The following TACR1 variants were observed in gnomAD, a reference collection of about 807,000 sequenced individuals.
The protein encoded by TACR1 is substance-P receptor.
A neutral mutation model predicts 35.8 loss-of-function variants in TACR1; 25 were observed. The observed-to-expected ratio is 0.70, with a 90% CI of 0.51 to 0.98. The LOEUF (loss-of-function observed/expected upper bound fraction) is 0.98. Ranked by LOEUF, TACR1 falls within the 50% of genes least tolerant of loss-of-function variation. The pLI is 0.00. For synonymous variants in TACR1, 195 were observed against 206.7 expected (o/e 0.94, Z 0.48); for missense variants, 478 against 522.9 (o/e 0.91, Z 0.84).
At chr2:75,126,039 C>T (rs1446167473) in intron 1 of TACR1, among the ~76,000 whole-genome samples, 1 of 152,062 alleles carries the variant, frequency 6.6e-6, no homozygotes, top group Non-Finnish European at 1.5e-5. Flanking sequence ...TAAGCTAGTA[C>T]CCAATAGTTA....
intron 2 of TACR1, among the ~76,000 whole-genome samples, chr2:75,090,306 G>A (rs1201008661): frequency 6.6e-6 from 1 of 152,122 alleles, no homozygotes; most frequent in Non-Finnish European, 1.5e-5. Context: ...CTCAGCCAGG[G>A]CTCTTAAAAT....
At chr2:75,078,370 C>T (rs1265477550) in intron 2 of TACR1, among the ~76,000 whole-genome samples, 1 of 151,892 alleles carries the variant, frequency 6.6e-6, no homozygotes, top group Non-Finnish European at 1.5e-5. Context: ...AGATTATAGC[C>T]CTCCTCACAG....
At chr2:75,122,578 T>A (rs2103913272) in intron 1 of TACR1, among the ~76,000 whole-genome samples, 1 of 152,202 alleles carries the variant, frequency 6.6e-6, no homozygotes, top group South Asian at 2.1e-4. Context: ...TTCTGCCTCT[T>A]TTAGAAAGTG....
Position 75,049,127 on chromosome 2 carries a change from C to T in TACR1, c.*305G>A. Reference sequence around the variant, plus strand: ...TCATCCTGAAATGAGCACTCGCATGCAGCCAAAGTCACTTCCAGAATGGAA... The same window carrying T: ...TCATCCTGAAATGAGCACTCGCATGTAGCCAAAGTCACTTCCAGAATGGAA... On this transcript the variant is annotated 3_prime_UTR_variant, in exon 5 of 5. Coordinates refer to ENST00000305249, the MANE Select transcript of TACR1 (RefSeq NM_001058.4). 2 of 344,788 alleles carry T rather than the reference C, an allele frequency of 5.8e-6. No individual in the cohort carries two copies. Among genetic ancestry groups the T allele is most frequent in the South Asian group, 1.2e-4 (2 of 16,522 alleles). 21.4% of individuals were successfully genotyped at this position (344,788 alleles called of 1,614,324 possible). A position where few individuals can be genotyped will look rare whatever the true frequency, so the allele number is the denominator to read the frequency against.
intron 2 of TACR1, among the ~76,000 whole-genome samples, chr2:75,111,842 G>T (rs1673755145): frequency 6.6e-6 from 1 of 151,820 alleles, no homozygotes; most frequent in African/African-American, 2.4e-5. Flanking sequence ...AAGTGGTAGG[G>T]GTAGAAACAG....
chr2:75,110,466 G>A (rs1262827386), intron 2 of TACR1, among the ~76,000 whole-genome samples: 4 of 151,440 alleles, frequency 2.6e-5, no homozygotes, highest in African/African-American at 7.3e-5. Context: ...CACATCAAAG[G>A]CAAAAACATT....
intron 2 of TACR1, among the ~76,000 whole-genome samples, chr2:75,100,026 T>G (rs1673504696): frequency 1.3e-5 from 2 of 152,172 alleles, no homozygotes; most frequent in Non-Finnish European, 2.9e-5. Flanking sequence ...CTCTTTATGA[T>G]TTCCAGCCTG....
At chr2:75,076,504 A>G (rs999178514) in intron 2 of TACR1, among the ~76,000 whole-genome samples, 4 of 152,194 alleles carry the variant, frequency 2.6e-5, no homozygotes, top group African/African-American at 9.7e-5. Context: ...GGAAGTCAGT[A>G]TAGACTGATT....
At chr2:75,168,943 TG>T (rs538613149) in intron 1 of TACR1, among the ~76,000 whole-genome samples, 5 of 152,266 alleles carry the variant, frequency 3.3e-5, no homozygotes, top group South Asian at 2.1e-4. Context: ...CTCTTCCCTT[TG>T]TAATCAGAAA....
At chr2:75,090,197 T>C (rs1459417448) in intron 2 of TACR1, among the ~76,000 whole-genome samples, 1 of 152,212 alleles carries the variant, frequency 6.6e-6, no homozygotes, top group Non-Finnish European at 1.5e-5. Context: ...TTTTCTTTTC[T>C]TTCCATAGCA....
chr2:75,115,952 G>C (rs1376433866), intron 2 of TACR1, among the ~76,000 whole-genome samples: 1 of 146,436 alleles, frequency 6.8e-6, no homozygotes, highest in African/African-American at 2.5e-5. Flanking sequence ...TGAATAATAT[G>C]GAAATATCTC....
chr2:75,151,720 C>T (rs1572960062), intron 1 of TACR1, among the ~76,000 whole-genome samples: 1 of 152,122 alleles, frequency 6.6e-6, no homozygotes, highest in East Asian at 1.9e-4. Flanking sequence ...AGAGGGCCAC[C>T]ATCCTCCAGA....
chr2:75,198,908 T>G lies in TACR1; in HGVS notation c.27A>C (p.Ser9=), dbSNP rs377185783. Residue 9 remains serine (S), a synonymous_variant, in exon 1 of 5, where the codon TCA becomes TCC. Coordinates refer to ENST00000305249, the MANE Select transcript of TACR1 (RefSeq NM_001058.4). ...TAGTGGAGATGTTTGGGGAGAGGTCTGAGTCCACCGGGAGGACGTTATCCA... is the reference window on the plus strand; with the variant it reads ...TAGTGGAGATGTTTGGGGAGAGGTCGGAGTCCACCGGGAGGACGTTATCCA... MDNVLPVD[S]DLSPNISTNT... is the part of the protein sequence containing the mutation. 3.7e-6 allele frequency: 6 copies of G among 1,613,710 alleles called. No individual in the cohort carries two copies. The highest frequency in any genetic ancestry group is 5.1e-6 in the Non-Finnish European group (6 of 1,180,006).
rs114463675 is a variant in TACR1, at chr2:75,049,842, T to C, written c.933-119A>G. Reference sequence around the variant, plus strand: ...CCAAGCGTGATTCTGTTATTGTTTTTAAAATTCAATGACAGCTGGAGATGC... The same window carrying C: ...CCAAGCGTGATTCTGTTATTGTTTTCAAAATTCAATGACAGCTGGAGATGC... On this transcript the variant is annotated intron_variant, in intron 4 of 4. Coordinates refer to ENST00000305249, the MANE Select transcript of TACR1 (RefSeq NM_001058.4). 2,912 of 1,197,634 alleles carry C rather than the reference T, an allele frequency of 2.4e-3. 63 individuals are homozygous for C. The African/African-American group carries it at 0.041, about 17-fold the overall frequency. The allele number at this position is 1,197,634 out of a possible 1,614,324, so 74.2% of individuals were successfully genotyped here.
chr2:75,092,039 G>T (rs1020571114), intron 2 of TACR1, among the ~76,000 whole-genome samples: 22 of 152,306 alleles, frequency 1.4e-4, no homozygotes, highest in African/African-American at 5.1e-4. Context: ...TCAGTGTGAG[G>T]TGTTTGTTTT....
intron 2 of TACR1, among the ~76,000 whole-genome samples, chr2:75,106,091 CTG>C (rs1193248588): frequency 2.0e-5 from 3 of 151,942 alleles, no homozygotes; most frequent in Non-Finnish European, 4.4e-5. Flanking sequence ...CTAAGAAAAA[CTG>C]AGTGTGGAGT....
At chr2:75,119,713 TC>T (rs1673928433) in intron 2 of TACR1, among the ~76,000 whole-genome samples, 7 of 152,244 alleles carry the variant, frequency 4.6e-5, no homozygotes, top group Admixed American at 4.6e-4. Flanking sequence ...ACTCATAAGG[TC>T]TCAATGCCTG....
At chr2:75,175,377 A>G (rs530774215) in intron 1 of TACR1, among the ~76,000 whole-genome samples, 18 of 152,338 alleles carry the variant, frequency 1.2e-4, no homozygotes, top group African/African-American at 4.3e-4. Context: ...TGATTTTAAT[A>G]TAAATAAAGT....
chr2:75,171,863 C>T (rs748858353), intron 1 of TACR1, among the ~76,000 whole-genome samples: 3 of 152,148 alleles, frequency 2.0e-5, no homozygotes, highest in Non-Finnish European at 2.9e-5. Context: ...ATTTTACAGG[C>T]TCATAGGCAG....
Sources: allele counts gnomAD v4.1 joint callset (sites outside exome capture counted in the v4.1 genomes callset), GRCh38; gene constraint gnomAD v4.1.1; transcripts MANE v1.5; gene names NCBI Gene and HGNC (gene_info 2026-07-23, HGNC 2026-07-21).